The following IFIH1 variants were observed in gnomAD, a reference collection of about 807,000 sequenced individuals.
IFIH1 encodes interferon induced with helicase C domain 1.
IFIH1 carries 125 observed loss-of-function variants against 107.4 expected under a neutral mutation model. That is an observed-to-expected ratio of 1.16 (90% confidence interval 1.01 to 1.35). The LOEUF is 1.35. Ranked by LOEUF, IFIH1 falls within the 40% of genes most tolerant of loss-of-function variation. The pLI, the probability that IFIH1 is intolerant of heterozygous loss-of-function variation, is 0.00. For synonymous variants in IFIH1, 458 were observed against 413.2 expected, an observed-to-expected ratio of 1.11 and a Z score of -1.31; for missense variants, 1,333 against 1,213.7, an observed-to-expected ratio of 1.10 and a Z score of -1.46.
At chr2:162,279,047 A>C (rs987423574) in intron 8 of IFIH1, among the ~76,000 whole-genome samples, 1 of 152,118 alleles carries the variant, frequency 6.6e-6, no homozygotes, top group Admixed American at 6.6e-5. Context: ...AATTAAAGTA[A>C]GTTTAAAAAA....
intron 3 of IFIH1, among the ~76,000 whole-genome samples, chr2:162,295,615 A>C (rs1173952301): frequency 6.6e-6 from 1 of 152,066 alleles, no homozygotes; most frequent in Non-Finnish European, 1.5e-5. Flanking sequence ...TAAATATACT[A>C]ATGTGAAAAT....
intron 8 of IFIH1, among the ~76,000 whole-genome samples, chr2:162,279,054 A>G (rs1455233777): frequency 6.6e-6 from 1 of 152,118 alleles, no homozygotes; most frequent in Non-Finnish European, 1.5e-5. Context: ...GTAAGTTTAA[A>G]AAATGGCAAA....
In IFIH1 at chr2:162,277,595, C is replaced by T. The variant is rs1356023008; in HGVS notation, c.1864G>A (p.Ala622Thr). Residue 622 changes from alanine (A) to threonine (T), a missense_variant, in exon 10 of 16, where the codon GCG (alanine) becomes ACG (threonine). Coordinates refer to ENST00000649979, the MANE Select transcript of IFIH1 (RefSeq NM_022168.4). ...TAGAAAGTTTCAAGATGAGTATACGCATCTATCATTCGAATTGTGTCATTA... is the reference window on the plus strand; with the variant it reads ...TAGAAAGTTTCAAGATGAGTATACGTATCTATCATTCGAATTGTGTCATTA... ...QINDTIRMID[A>T]YTHLETFYNE... The T allele has an allele frequency of 1.2e-6, 2 of 1,612,956 alleles. No individual in the cohort carries two copies. Among genetic ancestry groups the T allele is most frequent in the East Asian group, 4.5e-5 (2 of 44,852 alleles).
rs574572910 is a variant in IFIH1, at chr2:162,304,686, A to G, written c.769+2023T>C. Among the ~76,000 whole-genome samples the G allele has an allele frequency of 2.0e-5, 3 of 152,366 alleles. No homozygotes were observed. The East Asian group carries it at 5.8e-4, about 29-fold the overall frequency. The stretch of plus-strand genomic sequence containing the variant: ...ATAATTAACAAAACAAAGAGAATGA[A>G]TTTGTGAAATTCTTTTTCAGCAGAA... On this transcript the variant is annotated intron_variant, in intron 3 of 15. Transcript: ENST00000649979.
At chr2:162,273,521 G>T (rs1010108917) in intron 12 of IFIH1, among the ~76,000 whole-genome samples, 1 of 152,092 alleles carries the variant, frequency 6.6e-6, no homozygotes, top group Non-Finnish European at 1.5e-5. Flanking sequence ...CTTACAAATG[G>T]GGCTAGTGTC....
At position 162,276,864 on chromosome 2, in the gene IFIH1, C is replaced by A; in HGVS notation, c.2127G>T (p.Met709Ile). ...EKLTKLRNTIMEQYTRTEESA... is the reference protein window; with the variant it reads ...EKLTKLRNTIIEQYTRTEESA... ...ATTCCTCAGTCCTAGTATATTGCTC[C>A]ATTATGGTATTTCTTAATTTGGTCA... Residue 709 changes from methionine to isoleucine, a missense_variant, in exon 11 of 16, where the codon ATG (methionine) becomes ATT (isoleucine). Coordinates refer to ENST00000649979, the MANE Select transcript of IFIH1 (RefSeq NM_022168.4). 1 of 1,613,510 alleles carries A rather than the reference C, an allele frequency of 6.2e-7. No individual in the cohort carries two copies. The highest frequency in any genetic ancestry group is 8.5e-7 in the Non-Finnish European group (1 of 1,179,670).
chr2:162,290,924 T>G (rs1682986169), intron 4 of IFIH1, among the ~76,000 whole-genome samples: 1 of 151,870 alleles, frequency 6.6e-6, no homozygotes, highest in Non-Finnish European at 1.5e-5. Flanking sequence ...GAGAGTTTTC[T>G]CTTCTGTGTC....
intron 3 of IFIH1, among the ~76,000 whole-genome samples, chr2:162,296,020 G>A (rs1277819769): frequency 1.3e-5 from 2 of 151,896 alleles, no homozygotes; most frequent in Non-Finnish European, 2.9e-5. Flanking sequence ...CAAAATTACT[G>A]AAAAAATACT....
At chr2:162,281,599 A>G (rs1330419647) in intron 6 of IFIH1, 54 bp from the exon 7 acceptor site, 4 of 1,331,158 alleles carry the variant, frequency 3.0e-6, no homozygotes, top group Non-Finnish European at 4.2e-6. Flanking sequence ...CTACAGTGAG[A>G]AAATAGCTTT....
chr2:162,293,416 A>G (rs1218551357), intron 4 of IFIH1, 148 bp downstream of exon 4: 3 of 559,392 alleles, frequency 5.4e-6, no homozygotes, highest in African/African-American at 1.9e-5. Context: ...AAGAAAGTGA[A>G]TGGCAAAGTT....
Position 162,310,816 on chromosome 2 carries a change from T to G in IFIH1, c.571A>C (p.Asn191His). 1 of 1,613,902 alleles carries G rather than the reference T, an allele frequency of 6.2e-7. No homozygotes were observed. The highest frequency in any genetic ancestry group is 8.5e-7 in the Non-Finnish European group (1 of 1,179,850). Reference protein sequence around the residue: ...FLNVLRQTGNNELVQELTGSD... With the variant: ...FLNVLRQTGNHELVQELTGSD... Reference sequence around the variant, plus strand: ...CCTGTTAACTCTTGGACAAGTTCATTGTTTCCTGTTTGACGAAGAACATTC... The same window carrying G: ...CCTGTTAACTCTTGGACAAGTTCATGGTTTCCTGTTTGACGAAGAACATTC... The change falls in exon 2 of 16, where the codon AAT (asparagine) becomes CAT (histidine). Residue 191 changes from asparagine to histidine, a missense_variant. Transcript: ENST00000649979.
intron 1 of IFIH1, among the ~76,000 whole-genome samples, chr2:162,317,016 G>GGTGTGTGTGT (rs56835671): frequency 1.4e-5 from 2 of 144,024 alleles, no homozygotes; most frequent in East Asian, 4.0e-4. Flanking sequence ...AAAGAAAAAG[G>GGTGTGTGTGT]GTGTGTGTGT....
chr2:162,310,251 G>A (rs1397416955), intron 2 of IFIH1: 1 of 155,248 alleles, frequency 6.4e-6, no homozygotes, highest in Non-Finnish European at 1.4e-5. Flanking sequence ...GTTTAAGTGA[G>A]ATTTACAAAT....
chr2:162,302,916 G>A (rs1187670755), intron 3 of IFIH1, among the ~76,000 whole-genome samples: 1 of 152,294 alleles, frequency 6.6e-6, no homozygotes, highest in East Asian at 1.9e-4. Flanking sequence ...TGGACTAGAA[G>A]ACCATTAAGA....
chr2:162,293,488 T>G, intron 4 of IFIH1, 76 bp downstream of exon 4: 1 of 842,862 alleles, frequency 1.2e-6, no homozygotes, highest in Non-Finnish European at 2.0e-6. Context: ...AGGGAGGGTA[T>G]GAACAGCCCC....
chr2:162,309,314 T>C (rs1242283767), intron 2 of IFIH1, among the ~76,000 whole-genome samples: 1 of 152,164 alleles, frequency 6.6e-6, no homozygotes, highest in Non-Finnish European at 1.5e-5. Flanking sequence ...GGCAGGGTCA[T>C]CCTGAGGGCT....
intron 13 of IFIH1, among the ~76,000 whole-genome samples, chr2:162,271,870 T>A (rs1009737408): frequency 6.6e-6 from 1 of 152,170 alleles, no homozygotes; most frequent in African/African-American, 2.4e-5. Context: ...AGGCGTTTCA[T>A]CTACATTTCT....
intron 2 of IFIH1, chr2:162,310,437 A>C (rs935734170): frequency 9.7e-6 from 4 of 413,056 alleles, no homozygotes; most frequent in Non-Finnish European, 1.7e-5. Flanking sequence ...ATTTTTTATA[A>C]CCACTAAAAT....
intron 5 of IFIH1, 42 bp from the exon 6 acceptor site, chr2:162,282,618 T>A: frequency 7.3e-7 from 1 of 1,377,336 alleles, no homozygotes; most frequent in Non-Finnish European, 1.0e-6. Flanking sequence ...AGAAAGTTAG[T>A]CGAAGCCAAA....
Sources: allele counts gnomAD v4.1 joint callset (sites outside exome capture counted in the v4.1 genomes callset), GRCh38; gene constraint gnomAD v4.1.1; transcripts MANE v1.5; gene names NCBI Gene and HGNC (gene_info 2026-07-23, HGNC 2026-07-21).